Variants in ABCA9 observed in about 807,000 individuals in gnomAD.
ABCA9 encodes ATP binding cassette subfamily A member 9.
ABCA9 carries 183 observed loss-of-function variants against 205.3 expected under a neutral mutation model. The observed-to-expected ratio is 0.89, with a 90% CI of 0.79 to 1.01. The LOEUF (loss-of-function observed/expected upper bound fraction) is 1.01, where lower values mean the gene tolerates loss of function less well. Ranked by LOEUF, ABCA9 falls within the 50% of genes least tolerant of loss-of-function variation. The pLI, the probability that ABCA9 is intolerant of heterozygous loss-of-function variation, is 0.00. For synonymous variants in ABCA9, 651 were observed against 683.3 expected (o/e 0.95, Z 0.74); for missense variants, 1,805 against 1,912.4 (o/e 0.94, Z 1.05).
At chr17:69,036,900 C>CAAAAAAAAA (rs1598400070) in intron 6 of ABCA9, among the ~76,000 whole-genome samples, 1 of 43,340 alleles carries the variant, frequency 2.3e-5, no homozygotes, top group African/African-American at 8.7e-5. Context: ...AAAAAAAAAG[C>CAAAAAAAAA]AGAGGTTGCA....
intron 8 of ABCA9, among the ~76,000 whole-genome samples, chr17:69,034,144 A>G (rs566247745): frequency 2.0e-5 from 3 of 152,308 alleles, no homozygotes; most frequent in Non-Finnish European, 2.9e-5. Flanking sequence ...AAACTCAAGA[A>G]AGGTGATATT....
At position 69,012,019 on chromosome 17, in the gene ABCA9, G is replaced by A. The variant is rs764204280; in HGVS notation, c.3104C>T (p.Ser1035Phe). The change falls in exon 23 of 39, where the codon TCT becomes TTT. Residue 1035 changes from serine to phenylalanine, a missense_variant. By Grantham distance (155) the Ser-to-Phe change is radical. Transcript: ENST00000340001. Reference sequence around the variant, plus strand: ...GCTCATTGCAATGTATGGAGTGAAAGAGGCTGCCATCGGTATCCAGAAGAA... The same window carrying A: ...GCTCATTGCAATGTATGGAGTGAAAAAGGCTGCCATCGGTATCCAGAAGAA... ...NTFFWIPMAA[S>F]FTPYIAMSSI... 6.2e-7 allele frequency: 1 copy of A among 1,613,170 alleles called. No homozygotes were observed. The highest frequency in any genetic ancestry group is 2.2e-5 in the East Asian group (1 of 44,856).
At chr17:69,016,488 A>T in intron 21 of ABCA9, 98 bp from the exon 22 acceptor site, 1 of 1,107,230 alleles carries the variant, frequency 9.0e-7, no homozygotes, top group Non-Finnish European at 1.3e-6. Context: ...CTGATAATAT[A>T]ATAAGTCCCA....
rs538777896 is a variant in ABCA9 at position 68,984,034 on chromosome 17, G to A, written c.4499+22C>T. The A allele has an allele frequency of 6.9e-5, 111 of 1,613,808 alleles. No individual in the cohort carries two copies. The South Asian group carries it at 8.1e-4, about 12-fold the overall frequency. On this transcript the variant is annotated intron_variant, in intron 35 of 38. Transcript: ENST00000340001. The stretch of plus-strand genomic sequence containing the variant: ...ACAGCACACAACCTAGGGGCTGAGC[G>A]CCGGCTTGGACAGGCACTCACCTCA...
chr17:69,027,944 G>T, intron 12 of ABCA9, 129 bp from the exon 13 acceptor site: 1 of 712,732 alleles, frequency 1.4e-6, no homozygotes, highest in Non-Finnish European at 2.3e-6. Flanking sequence ...TAAGGAATAT[G>T]CAATGAACTG....
chr17:69,029,989 C>G (rs1363968226), intron 10 of ABCA9, among the ~76,000 whole-genome samples: 2 of 152,132 alleles, frequency 1.3e-5, no homozygotes, highest in Non-Finnish European at 2.9e-5. Flanking sequence ...CCCCATGACA[C>G]AACTTTACCT....
the ABCA9 span, among the ~76,000 whole-genome samples, chr17:69,074,911 C>T: frequency 6.6e-6 from 1 of 152,034 alleles, no homozygotes; most frequent in Non-Finnish European, 1.5e-5. Flanking sequence ...CTGGTATCTG[C>T]TGTTTTTTAA....
the ABCA9 span, among the ~76,000 whole-genome samples, chr17:69,066,700 G>A: frequency 3.9e-5 from 6 of 152,108 alleles, no homozygotes; most frequent in Middle Eastern, 3.4e-3. Flanking sequence ...AAAGATTTCC[G>A]TCCTCAGGGT....
the ABCA9 span, among the ~76,000 whole-genome samples, chr17:69,075,614 A>T: frequency 1.3e-5 from 2 of 152,030 alleles, no homozygotes; most frequent in African/African-American, 4.8e-5. Flanking sequence ...CCTTTTTTGT[A>T]CAAGTATCAT....
At chr17:69,065,712 C>T (rs1390158265), upstream of ABCA9, among the ~76,000 whole-genome samples, 1 of 152,166 alleles carries the variant, frequency 6.6e-6, no homozygotes, top group Non-Finnish European at 1.5e-5. Context: ...ATCTCTCCTC[C>T]CACAAGGTGC....
In ABCA9 at chr17:69,027,389, A is replaced by G. The variant is rs750789801; in HGVS notation, c.1852T>C (p.Leu618=). The part of the protein sequence containing the change: ...ENIQDILAQN[L]SGGQNRKLTF... Reference sequence around the variant, plus strand: ...AGTTTCCTATTTTGTCCACCACTTAAGTTTTGAGCAAGGATGTCTTGAATA... The same window carrying G: ...AGTTTCCTATTTTGTCCACCACTTAGGTTTTGAGCAAGGATGTCTTGAATA... The change falls in exon 14 of 39, where the codon TTA becomes CTA. Residue 618 remains leucine, a synonymous_variant. Transcript: ENST00000340001. 4 of 1,613,318 alleles carry G rather than the reference A, an allele frequency of 2.5e-6. 1 individual carries two copies. In the South Asian group the frequency reaches 4.4e-5, roughly 18 times the overall value.
upstream of ABCA9, chr17:69,061,204 T>G: frequency 1.0e-6 from 1 of 965,788 alleles, no homozygotes; most frequent in Non-Finnish European, 1.2e-6. Context: ...CTAGCCTTTC[T>G]CAATCGGTCT....
At chr17:69,043,301 G>A (rs543331885) in intron 6 of ABCA9, 188 bp downstream of exon 6, 1 of 533,360 alleles carries the variant, frequency 1.9e-6, no homozygotes, top group East Asian at 3.1e-5. Flanking sequence ...GGGAGTGGCT[G>A]TAAATATACA....
intron 6 of ABCA9, chr17:69,042,660 A>G (rs2071581946): frequency 6.6e-6 from 1 of 152,248 alleles, no homozygotes; most frequent in East Asian, 1.9e-4. Context: ...CTAGTGACCA[A>G]GTAATCATCT....
At chr17:68,996,047 G>T (rs1567924617) in intron 25 of ABCA9, 33 bp from the exon 26 acceptor site, 3 of 1,599,852 alleles carry the variant, frequency 1.9e-6, no homozygotes, top group Non-Finnish European at 2.6e-6. Flanking sequence ...CGTCATTAAA[G>T]TGTACCAATC....
chr17:68,997,959 C>A (rs1347112423), intron 25 of ABCA9, among the ~76,000 whole-genome samples: 1 of 152,138 alleles, frequency 6.6e-6, no homozygotes, highest in Non-Finnish European at 1.5e-5. Context: ...TCCCTATGAC[C>A]CCTGGCAACC....
chr17:68,989,826 A>T lies in ABCA9; in HGVS notation c.3942T>A (p.Phe1314Leu). The change falls in exon 30 of 39, where the codon TTT becomes TTA. Residue 1314 changes from phenylalanine to leucine, a missense_variant. Coordinates refer to ENST00000340001, the MANE Select transcript of ABCA9 (RefSeq NM_080283.4). ...KKKIATRNVS[F>L]CVKKGEVIGL... is the part of the protein sequence containing the mutation. Reference sequence around the variant, plus strand: ...ACTGTTTCCAACCTTTTTTAACACAAAAAGAGACATTTCTTGTGGCAATTT... The same window carrying T: ...ACTGTTTCCAACCTTTTTTAACACATAAAGAGACATTTCTTGTGGCAATTT... 1 of 1,592,058 alleles carries T rather than the reference A, an allele frequency of 6.3e-7. No homozygotes were observed. The highest frequency in any genetic ancestry group is 1.1e-5 in the South Asian group (1 of 90,152).
intron 30 of ABCA9, 96 bp from the exon 31 acceptor site, chr17:68,989,214 A>T: frequency 1.5e-6 from 1 of 678,316 alleles, no homozygotes; most frequent in Non-Finnish European, 2.7e-6. Context: ...GCTATGTGAA[A>T]TGTGCTATAT....
At chr17:69,024,730 G>A (rs556424563) in intron 16 of ABCA9, among the ~76,000 whole-genome samples, 1 of 152,064 alleles carries the variant, frequency 6.6e-6, no homozygotes, top group African/African-American at 2.4e-5. Flanking sequence ...GAGTTCTGCC[G>A]AAACTCAGAC....
Sources: gnomAD v4.1 joint callset for allele counts (sites outside exome capture counted in the v4.1 genomes callset) on GRCh38, gnomAD v4.1.1 for gene constraint, MANE v1.5 for transcripts, NCBI Gene and HGNC (gene_info 2026-07-23, HGNC 2026-07-21) for gene names.